Variants in POLE observed in about 807,000 individuals in gnomAD.
The protein encoded by POLE is DNA polymerase epsilon catalytic subunit A.
POLE carries 188 observed loss-of-function variants against 279.2 expected under a neutral mutation model. The observed-to-expected ratio is 0.67, with a 90% CI of 0.60 to 0.76. The LOEUF (loss-of-function observed/expected upper bound fraction) is 0.76, where lower values mean the gene tolerates loss of function less well. POLE is among the 30% of genes least tolerant of loss of function. The pLI is 0.00. For missense variants in POLE, 2,703 were observed against 3,016.7 expected, an observed-to-expected ratio of 0.90 and a Z score of 2.44; for synonymous variants, 1,214 against 1,172.5, an observed-to-expected ratio of 1.04 and a Z score of -0.72.
chr12:132,628,518 C>T (rs1357827617), intron 45 of POLE, among the ~76,000 whole-genome samples: 1 of 151,968 alleles, frequency 6.6e-6, no homozygotes, highest in Non-Finnish European at 1.5e-5. Flanking sequence ...TGGCGGGCAC[C>T]TGTAATCCCA....
chr12:132,653,432 G>A (rs562397159), intron 29 of POLE, among the ~76,000 whole-genome samples: 24 of 152,176 alleles, frequency 1.6e-4, no homozygotes, highest in Non-Finnish European at 2.6e-4. Flanking sequence ...TTGTTACCAT[G>A]AATTTATTCC....
At chr12:132,633,565 A>C (rs2041976549) in intron 43 of POLE, 1 of 152,242 alleles carries the variant, frequency 6.6e-6, no homozygotes, top group African/African-American at 2.4e-5. Context: ...ATCATCAACG[A>C]AGGCCTCTGT....
intron 32 of POLE, chr12:132,648,534 G>A (rs1396864259): frequency 6.0e-5 from 10 of 167,510 alleles, no homozygotes; most frequent in Admixed American, 1.9e-4. Flanking sequence ...TGTCACTATT[G>A]ACTGGCAATA....
chr12:132,625,496 G>C, intron 47 of POLE, 149 bp downstream of exon 47: 3 of 988,514 alleles, frequency 3.0e-6, no homozygotes, highest in Non-Finnish European at 4.8e-6. Context: ...CAGTCCATCA[G>C]GCTCAGGGCA....
In POLE at chr12:132,661,315, C is replaced by T. The variant is rs573334390; in HGVS notation, c.2865-151G>A. 2 of 967,904 alleles carry T rather than the reference C, an allele frequency of 2.1e-6. No individual in the cohort carries two copies. Among genetic ancestry groups the T allele is most frequent in the Admixed American group, 2.4e-5 (1 of 41,476 alleles). 60.0% of individuals were successfully genotyped at this position (967,904 alleles called of 1,614,324 possible). A position where few individuals can be genotyped will look rare whatever the true frequency, so the allele number is the denominator to read the frequency against. On this transcript the variant is annotated intron_variant, in intron 24 of 48. Transcript: ENST00000320574. The surrounding 1 kb of genome is among the most constrained non-coding windows in gnomAD (Gnocchi z 4.1). ...AACGTCTCTCTCCCTTAGGCCACTG[C>T]TTCTCTAAAAGGAAAATGGCTGAAG...
chr12:132,675,930 G>A lies in POLE; in HGVS notation c.1021-110C>T, dbSNP rs1283624048. ...CAGCCTCATGTTGGCCCTTATTCCTGCCCCGCCCCTCCGCCCGTCTCTGGC... is the reference window on the plus strand; with the variant it reads ...CAGCCTCATGTTGGCCCTTATTCCTACCCCGCCCCTCCGCCCGTCTCTGGC... On this transcript the variant is annotated intron_variant, in intron 10 of 48. Coordinates refer to ENST00000320574, the MANE Select transcript of POLE (RefSeq NM_006231.4). This position sits in a 1 kb window ranked among gnomAD's most constrained non-coding sequence, Gnocchi z 4.3. 10 of 991,392 alleles carry A rather than the reference G, an allele frequency of 1.0e-5. No individual in the cohort carries two copies. The highest frequency in any genetic ancestry group is 1.6e-5 in the African/African-American group (1 of 62,696). 61.4% of individuals were successfully genotyped at this position (991,392 alleles called of 1,614,324 possible).
At chr12:132,658,293 C>T (rs765635514) in intron 26 of POLE, 12 of 270,420 alleles carry the variant, frequency 4.4e-5, no homozygotes, top group African/African-American at 1.6e-4. Context: ...CACGTGCATG[C>T]GTACAGGCAA....
Position 132,624,086 on chromosome 12 carries a change from C to T in POLE, c.*611G>A, listed in dbSNP as rs2041779903. ...GTTTTCCTGAGGCTGATAGAGGGTTCCCTCTAGACCCGGCTCCAAATAAGC... is the reference window on the plus strand; with the variant it reads ...GTTTTCCTGAGGCTGATAGAGGGTTTCCTCTAGACCCGGCTCCAAATAAGC... On this transcript the variant is annotated 3_prime_UTR_variant, in exon 49 of 49. Coordinates refer to ENST00000320574, the MANE Select transcript of POLE (RefSeq NM_006231.4). 4.8e-6 allele frequency: 1 copy of T among 208,196 alleles called. No individual in the cohort carries two copies. The highest frequency in any genetic ancestry group is 2.3e-5 in the African/African-American group (1 of 43,766). 12.9% of individuals were successfully genotyped at this position (208,196 alleles called of 1,614,324 possible).
intron 45 of POLE, among the ~76,000 whole-genome samples, chr12:132,629,073 A>G (rs1013818886): frequency 6.6e-6 from 1 of 152,258 alleles, no homozygotes; most frequent in Non-Finnish European, 1.5e-5. Context: ...ATAAACGTTG[A>G]AAGTCGAAAT....
At position 132,675,152 on chromosome 12, in the gene POLE, C is replaced by T. The variant is rs751901500; in HGVS notation, c.1226+246G>A. Among the ~76,000 whole-genome samples the T allele has an allele frequency of 2.6e-5, 4 of 152,198 alleles. No homozygotes were observed. The highest frequency in any genetic ancestry group is 2.1e-4 in the South Asian group (1 of 4,834). On this transcript the variant is annotated intron_variant, in intron 12 of 48. Coordinates refer to ENST00000320574, the MANE Select transcript of POLE (RefSeq NM_006231.4). The surrounding 1 kb of genome is among the most constrained non-coding windows in gnomAD (Gnocchi z 4.3). The stretch of plus-strand genomic sequence containing the variant: ...CTGTCAGCTGAGTGCGTCTTTCCAG[C>T]GGCTTCCCCACCCCAGAGGCTGATG...
At chr12:132,651,964 C>A (rs138877824) in intron 29 of POLE, among the ~76,000 whole-genome samples, 1 of 152,342 alleles carries the variant, frequency 6.6e-6, no homozygotes, top group East Asian at 1.9e-4. Flanking sequence ...AGATAGCTAA[C>A]ACGTTTATGA....
intron 6 of POLE, among the ~76,000 whole-genome samples, 196 bp downstream of exon 6, chr12:132,679,301 G>C (rs2043118021): frequency 6.6e-6 from 1 of 152,112 alleles, no homozygotes; most frequent in African/African-American, 2.4e-5. Context: ...GGAAAAGAGA[G>C]CTAACACATA....
chr12:132,641,472 C>A (rs988304900), intron 39 of POLE, 175 bp downstream of exon 39: 9 of 619,470 alleles, frequency 1.5e-5, no homozygotes, highest in Non-Finnish European at 2.6e-5. Flanking sequence ...CAGGCCGGAC[C>A]CCCACAGTGG....
intron 1 of POLE, among the ~76,000 whole-genome samples, 196 bp from the exon 2 acceptor site, chr12:132,681,475 C>T (rs1159333237): frequency 6.6e-6 from 1 of 152,092 alleles, no homozygotes; most frequent in Admixed American, 6.5e-5. Context: ...TCCCGAGTAG[C>T]TGGGACCACA....
intron 45 of POLE, among the ~76,000 whole-genome samples, chr12:132,629,119 T>C (rs962657375): frequency 3.3e-5 from 5 of 152,252 alleles, no homozygotes; most frequent in African/African-American, 1.2e-4. Context: ...AGGGATGCTG[T>C]GTCCGCAGGC....
intron 45 of POLE, among the ~76,000 whole-genome samples, chr12:132,626,933 C>T (rs1219981025): frequency 1.3e-5 from 2 of 152,234 alleles, no homozygotes; most frequent in Admixed American, 1.3e-4. Flanking sequence ...TATTTGGTTT[C>T]TCAGTGCATA....
In POLE at chr12:132,634,481, GT is replaced by G. The variant is rs1402842531; in HGVS notation, c.5812-104del. 18 of 1,150,728 alleles carry G rather than the reference GT, an allele frequency of 1.6e-5. No homozygotes were observed. The highest frequency in any genetic ancestry group is 2.1e-5 in the Non-Finnish European group (17 of 796,312). 71.3% of individuals were successfully genotyped at this position (1,150,728 alleles called of 1,614,324 possible). A position where few individuals can be genotyped will look rare whatever the true frequency, so the allele number is the denominator to read the frequency against. ...CCTCCAACCTGGGTCCATCTGCCCC[GT>G]TTGACCAGAGGCCTTCCTCGCAGTC... is the stretch of plus-strand genomic sequence containing the variant. On this transcript the variant is annotated intron_variant, in intron 42 of 48. Transcript: ENST00000320574. This position sits in a 1 kb window ranked among gnomAD's most constrained non-coding sequence, Gnocchi z 4.0.
Position 132,639,442 on chromosome 12 carries a change from C to G in POLE, c.5379-144G>C. Reference sequence around the variant, plus strand: ...CTGTCGCCTCCCCTTCTCACTGTCCCCACCTTAAGTCACGGTCCAAATTTC... The same window carrying G: ...CTGTCGCCTCCCCTTCTCACTGTCCGCACCTTAAGTCACGGTCCAAATTTC... On this transcript the variant is annotated intron_variant, in intron 39 of 48. Coordinates refer to ENST00000320574, the MANE Select transcript of POLE (RefSeq NM_006231.4). The surrounding 1 kb of genome is among the most constrained non-coding windows in gnomAD (Gnocchi z 4.7). The G allele has an allele frequency of 3.0e-6, 2 of 677,092 alleles. No individual in the cohort carries two copies. Among genetic ancestry groups the G allele is most frequent in the Non-Finnish European group, 5.0e-6 (2 of 396,688 alleles). 41.9% of individuals were successfully genotyped at this position (677,092 alleles called of 1,614,324 possible).
At chr12:132,635,424 G>A (rs1388541155) in intron 42 of POLE, among the ~76,000 whole-genome samples, 3 of 152,184 alleles carry the variant, frequency 2.0e-5, no homozygotes, top group Non-Finnish European at 4.4e-5. Context: ...TCCACATGGG[G>A]CCAAGAAAGC....
Sources: allele counts gnomAD v4.1 joint callset (sites outside exome capture counted in the v4.1 genomes callset), GRCh38; gene constraint gnomAD v4.1.1; non-coding constraint Gnocchi (gnomAD v3.1); transcripts MANE v1.5; gene names NCBI Gene and HGNC (gene_info 2026-07-23, HGNC 2026-07-21).